The following UTS2 variants were observed in gnomAD, a reference collection of about 807,000 sequenced individuals.
UTS2 encodes urotensin 2.
Under a neutral mutation model 12.6 loss-of-function variants are expected in UTS2, and 10 were observed. The ratio of observed to expected loss-of-function variants is 0.80; its 90% CI spans 0.49 to 1.35. The LOEUF (loss-of-function observed/expected upper bound fraction) is 1.35. Among genes scored for constraint, UTS2 ranks in the 40% most tolerant of loss-of-function variants. UTS2 has a pLI of 0.00. For missense variants in UTS2, 142 were observed against 143.2 expected, an observed-to-expected ratio of 0.99 and a Z score of 0.04; for synonymous variants, 52 against 50.0, an observed-to-expected ratio of 1.04 and a Z score of -0.17.
intron 1 of UTS2, among the ~76,000 whole-genome samples, chr1:7,851,668 G>A (rs1364016240): frequency 3.9e-5 from 6 of 152,096 alleles, no homozygotes; most frequent in Non-Finnish European, 5.9e-5. Flanking sequence ...CTTGATTGGA[G>A]GACAGTGAGC....
the UTS2 span, among the ~76,000 whole-genome samples, chr1:7,858,750 AT>A: frequency 1.3e-5 from 2 of 152,004 alleles, no homozygotes; most frequent in Non-Finnish European, 2.9e-5. Flanking sequence ...CACTCAGCTA[AT>A]TTTTGTATCT....
At chr1:7,906,428 GAAGAAAGAAAGAAAGAAAAAGAGAAAGA>G in the UTS2 span, among the ~76,000 whole-genome samples, 3 of 34,414 alleles carry the variant, frequency 8.7e-5, no homozygotes, top group Non-Finnish European at 1.8e-4. Flanking sequence ...AGAAAGAAAG[GAAGAAAGAAAGAAAGAAAAAGAGAAAGA>G]AAGAAAGAAA....
the UTS2 span, among the ~76,000 whole-genome samples, chr1:7,872,932 T>C: frequency 6.6e-6 from 1 of 152,174 alleles, no homozygotes; most frequent in Non-Finnish European, 1.5e-5. Context: ...CCGACTCCAT[T>C]GTTAGGAGCT....
chr1:7,902,199 C>CACT, the UTS2 span, among the ~76,000 whole-genome samples: 1 of 152,078 alleles, frequency 6.6e-6, no homozygotes, highest in Non-Finnish European at 1.5e-5. Context: ...TATCTCTGCC[C>CACT]CCGGGTGAGG....
At chr1:7,887,680 T>A in the UTS2 span, among the ~76,000 whole-genome samples, 1 of 149,520 alleles carries the variant, frequency 6.7e-6, no homozygotes, top group East Asian at 2.0e-4. Flanking sequence ...GTGGGAGGAT[T>A]GCTTGAGTCC....
At chr1:7,863,053 GTA>G in the UTS2 span, among the ~76,000 whole-genome samples, 1 of 59,668 alleles carries the variant, frequency 1.7e-5, no homozygotes, top group Non-Finnish European at 3.7e-5. Context: ...GTATTGTATT[GTA>G]TTGTATTGTA....
chr1:7,863,017 TGTATTGTATTGTATTGTATTG>T, the UTS2 span, among the ~76,000 whole-genome samples: 2 of 23,434 alleles, frequency 8.5e-5, no homozygotes, highest in African/African-American at 2.6e-4. Flanking sequence ...TGTATTGTAT[TGTATTGTATTGTATTGTATTG>T]TATTGTATTG....
the UTS2 span, among the ~76,000 whole-genome samples, chr1:7,893,491 C>CTAAATAAA: frequency 1.6e-3 from 240 of 150,402 alleles, no homozygotes; most frequent in Admixed American, 3.0e-3. Flanking sequence ...GACCCTGTCT[C>CTAAATAAA]TAAATAAATA....
At chr1:7,903,497 T>C in the UTS2 span, among the ~76,000 whole-genome samples, 4 of 151,994 alleles carry the variant, frequency 2.6e-5, no homozygotes, top group Non-Finnish European at 4.4e-5. Flanking sequence ...AGCCATTTTC[T>C]TGCCCCAACC....
chr1:7,882,283 T>C, the UTS2 span, among the ~76,000 whole-genome samples: 5 of 152,158 alleles, frequency 3.3e-5, no homozygotes, highest in Non-Finnish European at 7.3e-5. Context: ...TGCAGTGAAC[T>C]ATGATAGTGC....
At chr1:7,885,130 TCATCCATCCATCCATC>T in the UTS2 span, among the ~76,000 whole-genome samples, 2 of 150,208 alleles carry the variant, frequency 1.3e-5, no homozygotes, top group East Asian at 4.0e-4. Context: ...CACCCACCTA[TCATCCATCCATCCATC>T]CATCCATCCA....
Position 7,850,940 on chromosome 1 carries a change from A to G in UTS2, c.104-18T>C, listed in dbSNP as rs753948446. 5 of 1,612,422 alleles carry G rather than the reference A, an allele frequency of 3.1e-6. No homozygotes were observed. The Admixed American group carries it at 6.7e-5, about 22-fold the overall frequency. ...ATGAGGTGCTACAGAGTAAAAACAG[A>G]TACTTAGAATTGGGTTCATCCTTCA... is the stretch of plus-strand genomic sequence containing the variant. On this transcript the variant is annotated intron_variant, in intron 1 of 3. Coordinates refer to ENST00000361696, the MANE Select transcript of UTS2 (RefSeq NM_006786.4).
At chr1:7,902,803 A>T in the UTS2 span, among the ~76,000 whole-genome samples, 1,672 of 152,246 alleles carry the variant, frequency 0.011, 34 homozygotes, top group African/African-American at 0.039. Context: ...GGTTTCAGGT[A>T]AGTCGCTGAA....
At chr1:7,847,908 C>CAA (rs542425848) in intron 3 of UTS2, 26 bp from the exon 4 acceptor site, 116 of 1,411,754 alleles carry the variant, frequency 8.2e-5, no homozygotes, top group Middle Eastern at 3.8e-4. Context: ...CGAACAACAA[C>CAA]AACAAAAAAA....
the UTS2 span, among the ~76,000 whole-genome samples, chr1:7,861,041 CAAAA>C: frequency 1.6e-4 from 12 of 74,756 alleles, no homozygotes; most frequent in Admixed American, 3.1e-4. Context: ...GGCCTTATCT[CAAAA>C]AAAAAAAAAA....
chr1:7,871,587 A>T, the UTS2 span, among the ~76,000 whole-genome samples: 66 of 151,202 alleles, frequency 4.4e-4, no homozygotes, highest in Middle Eastern at 6.8e-3. Context: ...TTTTTTTTTT[A>T]AATTGAAGGT....
the UTS2 span, among the ~76,000 whole-genome samples, chr1:7,906,483 G>GAA: frequency 8.1e-6 from 1 of 123,092 alleles, no homozygotes; most frequent in Non-Finnish European, 1.7e-5. Context: ...AAGAAAGAAA[G>GAA]AAAGAAAGAA....
At chr1:7,889,476 T>C in the UTS2 span, among the ~76,000 whole-genome samples, 1 of 124,484 alleles carries the variant, frequency 8.0e-6, no homozygotes, top group African/African-American at 3.1e-5. Flanking sequence ...AAAGAAAAGA[T>C]GAGAAAAGAA....
the UTS2 span, among the ~76,000 whole-genome samples, chr1:7,896,162 T>C: frequency 6.6e-5 from 10 of 152,148 alleles, no homozygotes; most frequent in East Asian, 5.8e-4. Flanking sequence ...AATATCTCAG[T>C]TAAGCTCAAA....
Sources: allele counts gnomAD v4.1 joint callset (sites outside exome capture counted in the v4.1 genomes callset), GRCh38; gene constraint gnomAD v4.1.1; transcripts MANE v1.5; gene names NCBI Gene and HGNC (gene_info 2026-07-23, HGNC 2026-07-21).